The following DLGAP1 variants were observed in gnomAD, a reference collection of about 807,000 sequenced individuals.
DLGAP1 encodes DLG associated protein 1, also known as disks large-associated protein 1.
A neutral mutation model predicts 90.8 loss-of-function variants in DLGAP1; 11 were observed. The ratio of observed to expected loss-of-function variants is 0.12; its 90% CI spans 0.08 to 0.20. DLGAP1 has a LOEUF of 0.20. Among genes scored for constraint, DLGAP1 ranks in the 10% least tolerant of loss-of-function variants. The pLI, the probability that DLGAP1 is intolerant of heterozygous loss-of-function variation, is 1.00. For synonymous variants in DLGAP1, 558 were observed against 540.7 expected (o/e 1.03, Z -0.44); for missense variants, 1,050 against 1,333.8 (o/e 0.79, Z 3.31).
intron 7 of DLGAP1, among the ~76,000 whole-genome samples, chr18:3,629,989 T>C (rs2058464744): frequency 6.6e-6 from 1 of 152,242 alleles, no homozygotes; most frequent in South Asian, 2.1e-4. Flanking sequence ...AGGTCTTAAA[T>C]TCAACTAGAA....
At chr18:3,721,219 C>T (rs1222759725) in intron 7 of DLGAP1, among the ~76,000 whole-genome samples, 2 of 152,160 alleles carry the variant, frequency 1.3e-5, no homozygotes, top group Admixed American at 6.5e-5. Flanking sequence ...AGAGACCAGT[C>T]AGATCAGAAT....
At chr18:4,220,413 G>A (rs893687417) in intron 1 of DLGAP1, among the ~76,000 whole-genome samples, 1 of 152,108 alleles carries the variant, frequency 6.6e-6, no homozygotes, top group African/African-American at 2.4e-5. Flanking sequence ...GTGCATGAGT[G>A]CAACTCAACT....
intron 5 of DLGAP1, among the ~76,000 whole-genome samples, chr18:3,759,296 G>C (rs1317452679): frequency 2.6e-5 from 4 of 151,770 alleles, no homozygotes; most frequent in African/African-American, 9.7e-5. Flanking sequence ...GATTTGGTTG[G>C]GGATTTCTGA....
rs139978674 is a variant in DLGAP1 at position 3,581,897 on chromosome 18, C to T, written c.1943G>A (p.Arg648Gln). The T allele has an allele frequency of 2.1e-4, 332 of 1,614,134 alleles. 2 individuals carry two copies. Among genetic ancestry groups the T allele is most frequent in the South Asian group, 1.7e-3 (153 of 91,074 alleles). The change falls in exon 8 of 13, where the codon CGA (arginine) becomes CAA (glutamine). Residue 648 changes from arginine to glutamine, a missense_variant. This residue lies in a region of DLGAP1 where 565 missense variants were observed against 879.7 expected (regional missense o/e 0.64). Transcript: ENST00000315677. ...DRKKDHFKKN[R>Q]CLSIGIQVDD... is the part of the protein sequence containing the mutation. ...TACCTGTATCCCGATAGACAGGCAT[C>T]GATTTTTCTTAAAGTGGTCCTTCTT...
rs1422627157 is a variant in DLGAP1 at position 3,711,857 on chromosome 18, A to G, written c.1591+17278T>C. On this transcript the variant is annotated intron_variant, in intron 7 of 12. Transcript: ENST00000315677. The surrounding 1 kb of genome is among the most constrained non-coding windows in gnomAD (Gnocchi z 4.0). ...TTGTCTCAAAAAGAAAGAAAAAGAA[A>G]AAAATAAAAAAAGGAAGACAGAAAT... Among the ~76,000 whole-genome samples the G allele has an allele frequency of 6.6e-6, 1 of 152,162 alleles. No homozygotes were observed. The highest frequency in any genetic ancestry group is 2.4e-5 in the African/African-American group (1 of 41,432).
intron 1 of DLGAP1, among the ~76,000 whole-genome samples, chr18:4,357,766 C>G (rs2081553336): frequency 6.6e-6 from 1 of 152,224 alleles, no homozygotes; most frequent in Non-Finnish European, 1.5e-5. Context: ...CTTCGCAGCG[C>G]CTCTCCACTG....
chr18:3,905,731 G>A (rs2071892088), intron 3 of DLGAP1, among the ~76,000 whole-genome samples: 1 of 152,200 alleles, frequency 6.6e-6, no homozygotes, highest in South Asian at 2.1e-4. Flanking sequence ...AGCCATGTCA[G>A]AAGATCCCCA....
intron 3 of DLGAP1, among the ~76,000 whole-genome samples, chr18:3,892,471 T>C (rs889828010): frequency 1.3e-5 from 2 of 152,200 alleles, no homozygotes; most frequent in African/African-American, 4.8e-5. Flanking sequence ...TTCCATTCTC[T>C]ATACAAATTC....
intron 7 of DLGAP1, among the ~76,000 whole-genome samples, chr18:3,714,639 G>GTTTT (rs869196557): frequency 2.1e-5 from 2 of 93,048 alleles, no homozygotes; most frequent in Non-Finnish European, 2.1e-5. Flanking sequence ...TGATTACGTG[G>GTTTT]TTTTTTTTTT....
rs2075690846 is a variant in DLGAP1 at position 4,087,018 on chromosome 18, C to A, written c.-159+64162G>T. 4.1e-5 allele frequency among the ~76,000 whole-genome samples: 3 copies of A among 73,800 alleles called. No homozygotes were observed. In the South Asian group the frequency reaches 1.1e-3, roughly 26 times the overall value. The allele number at this position is 73,800 out of a possible 152,430, so 48.4% of individuals were successfully genotyped here. ...ATTAATATTTTAGTTCTGAAGTCTA[C>A]CTTGTCTGAGATATATATATATACA... On this transcript the variant is annotated intron_variant, in intron 2 of 12. Coordinates refer to ENST00000315677, the MANE Select transcript of DLGAP1 (RefSeq NM_004746.4).
intron 5 of DLGAP1, among the ~76,000 whole-genome samples, chr18:3,779,117 C>T (rs2065070643): frequency 6.6e-6 from 1 of 152,158 alleles, no homozygotes; most frequent in Non-Finnish European, 1.5e-5. Flanking sequence ...TCTGTGTTGT[C>T]CTCCCTCCTT....
rs935782566 is a variant in DLGAP1 at position 4,378,382 on chromosome 18, T to G, written c.-267+76624A>C. On this transcript the variant is annotated intron_variant, in intron 1 of 12. Coordinates refer to ENST00000315677, the MANE Select transcript of DLGAP1 (RefSeq NM_004746.4). This position sits in a 1 kb window ranked among gnomAD's most constrained non-coding sequence, Gnocchi z 4.5. ...CAGGACCAATGCAATACATTATAAC[T>G]TTTTAACGACAAAATCATTCTGTAT... Among the ~76,000 whole-genome samples, 6 of 152,144 alleles carry G rather than the reference T, an allele frequency of 3.9e-5. No individual in the cohort carries two copies. The highest frequency in any genetic ancestry group is 1.4e-4 in the African/African-American group (6 of 41,438).
At chr18:4,148,525 A>G (rs2076623109) in intron 2 of DLGAP1, among the ~76,000 whole-genome samples, 2 of 152,104 alleles carry the variant, frequency 1.3e-5, no homozygotes, top group Admixed American at 6.6e-5. Flanking sequence ...AGACACAGTA[A>G]TTTTTCTTTG....
chr18:3,516,689 G>T (rs2050864489), intron 10 of DLGAP1, among the ~76,000 whole-genome samples: 2 of 152,154 alleles, frequency 1.3e-5, no homozygotes, highest in Admixed American at 1.3e-4. Context: ...CGTCTTACAT[G>T]GTGGTAGACA....
intron 9 of DLGAP1, among the ~76,000 whole-genome samples, chr18:3,535,717 AAAG>A (rs1381064635): frequency 6.7e-6 from 1 of 149,450 alleles, no homozygotes; most frequent in Non-Finnish European, 1.5e-5. Flanking sequence ...CAAAAAAAAA[AAAG>A]AAGAAAAGAA....
chr18:3,591,874 C>T (rs148679868), intron 7 of DLGAP1, among the ~76,000 whole-genome samples: 6 of 152,030 alleles, frequency 3.9e-5, no homozygotes, highest in African/African-American at 1.4e-4. Flanking sequence ...AATAATTCTC[C>T]AGGCATTGAT....
At chr18:3,988,620 T>C (rs1015621816) in intron 3 of DLGAP1, among the ~76,000 whole-genome samples, 3 of 151,946 alleles carry the variant, frequency 2.0e-5, no homozygotes, top group South Asian at 2.1e-4. Context: ...GAAGTGGAGC[T>C]CAGGCAGTGA....
At chr18:4,379,944 T>C (rs769146756) in intron 1 of DLGAP1, among the ~76,000 whole-genome samples, 12 of 152,262 alleles carry the variant, frequency 7.9e-5, no homozygotes, top group Admixed American at 2.6e-4. Flanking sequence ...CCAATATACA[T>C]TACTTAGATA....
intron 1 of DLGAP1, among the ~76,000 whole-genome samples, chr18:4,444,089 GAGA>G (rs141966259): frequency 3.1e-4 from 47 of 152,320 alleles, no homozygotes; most frequent in African/African-American, 1.0e-3. Flanking sequence ...CCAGATGGCA[GAGA>G]AGGTGAATGC....
Sources: gnomAD v4.1 joint callset for allele counts (sites outside exome capture counted in the v4.1 genomes callset) on GRCh38, gnomAD v4.1.1 for gene constraint, gnomAD v4.1.1 regional missense constraint, Gnocchi (gnomAD v3.1) non-coding constraint, MANE v1.5 for transcripts, NCBI Gene and HGNC (gene_info 2026-07-23, HGNC 2026-07-21) for gene names.